MYO16: variants seen among roughly 807,000 people sequenced by gnomAD.
MYO16 encodes the protein myosin XVI.
A neutral mutation model predicts 205.3 loss-of-function variants in MYO16; 94 were observed. The ratio of observed to expected loss-of-function variants is 0.46; its 90% CI spans 0.39 to 0.54. MYO16 has a LOEUF of 0.54. MYO16 is among the 20% of genes least tolerant of loss of function. The pLI, the probability that MYO16 is intolerant of heterozygous loss-of-function variation, is 0.00. For missense variants in MYO16, 2,315 were observed against 2,387.5 expected, an observed-to-expected ratio of 0.97 and a Z score of 0.63; for synonymous variants, 988 against 954.0, an observed-to-expected ratio of 1.04 and a Z score of -0.66.
chr13:108,837,095 G>A (rs1016126966), intron 9 of MYO16, among the ~76,000 whole-genome samples: 3 of 152,192 alleles, frequency 2.0e-5, no homozygotes, highest in Non-Finnish European at 2.9e-5. Flanking sequence ...TAATCCCCAC[G>A]TGTGGTGGGA....
intron 1 of MYO16, among the ~76,000 whole-genome samples, chr13:108,659,873 A>G (rs1323273955): frequency 3.3e-5 from 5 of 152,206 alleles, no homozygotes; most frequent in African/African-American, 9.7e-5. Flanking sequence ...AAGAAAATAT[A>G]TAGAATTGTA....
At position 109,055,785 on chromosome 13, in the gene MYO16, A is replaced by C. The variant is rs1239252505; in HGVS notation, c.3335+190A>C. 1.0e-5 allele frequency: 6 copies of C among 574,424 alleles called. No homozygotes were observed. In the East Asian group the frequency reaches 1.8e-4, roughly 17 times the overall value. 35.6% of individuals were successfully genotyped at this position (574,424 alleles called of 1,614,324 possible). A position where few individuals can be genotyped will look rare whatever the true frequency, so the allele number is the denominator to read the frequency against. Reference sequence around the variant, plus strand: ...ATACACTGACAAAGCTCACATAAAAAATAATTAAACTGTACTGAGGACAGT... The same window carrying C: ...ATACACTGACAAAGCTCACATAAAACATAATTAAACTGTACTGAGGACAGT... On this transcript the variant is annotated intron_variant, in intron 27 of 34. Transcript: ENST00000457511. The surrounding 1 kb of genome is among the most constrained non-coding windows in gnomAD (Gnocchi z 5.0).
At chr13:108,813,100 T>G (rs1297494152) in intron 7 of MYO16, among the ~76,000 whole-genome samples, 3 of 152,074 alleles carry the variant, frequency 2.0e-5, no homozygotes, top group African/African-American at 7.2e-5. Context: ...AGGAGGATTA[T>G]GAGATTTGCG....
chr13:109,069,277 C>T (rs563247519), intron 27 of MYO16, among the ~76,000 whole-genome samples: 1 of 152,234 alleles, frequency 6.6e-6, no homozygotes, highest in East Asian at 1.9e-4. Context: ...ATTATCTTGC[C>T]TTTCTGAGTT....
intron 12 of MYO16, among the ~76,000 whole-genome samples, chr13:108,876,321 T>A (rs776189840): frequency 3.9e-5 from 6 of 152,156 alleles, no homozygotes; most frequent in Non-Finnish European, 8.8e-5. Flanking sequence ...TTTTTTCACA[T>A]GTACTTTTGT....
chr13:108,886,418 T>C (rs1251043470), intron 13 of MYO16: 1 of 456,242 alleles, frequency 2.2e-6, no homozygotes, highest in Non-Finnish European at 4.4e-6. Context: ...ACGTCCAGGT[T>C]CTTGCCTCAC....
intron 21 of MYO16, among the ~76,000 whole-genome samples, chr13:109,001,303 G>A (rs962471671): frequency 1.3e-5 from 2 of 152,132 alleles, no homozygotes; most frequent in Non-Finnish European, 1.5e-5. Context: ...TAGCGAATGT[G>A]TGCCCAGTCC....
At chr13:109,170,187 G>A (rs1381960522) in intron 33 of MYO16, among the ~76,000 whole-genome samples, 1 of 150,984 alleles carries the variant, frequency 6.6e-6, no homozygotes, top group African/African-American at 2.4e-5. Context: ...CCCAACAAAG[G>A]CTAATATTCA....
chr13:108,791,131 G>T (rs1290613595), intron 5 of MYO16, among the ~76,000 whole-genome samples: 1 of 152,124 alleles, frequency 6.6e-6, no homozygotes, highest in African/African-American at 2.4e-5. Flanking sequence ...GACAGTTTTA[G>T]CTGGTTCATA....
intron 6 of MYO16, among the ~76,000 whole-genome samples, chr13:108,798,640 T>C (rs1272793335): frequency 6.6e-6 from 1 of 151,802 alleles, no homozygotes; most frequent in African/African-American, 2.4e-5. Flanking sequence ...TTTTATTATT[T>C]ACTGTGTTAG....
At chr13:108,937,827 G>C (rs990059211) in intron 16 of MYO16, among the ~76,000 whole-genome samples, 2 of 152,006 alleles carry the variant, frequency 1.3e-5, no homozygotes, top group African/African-American at 4.8e-5. Flanking sequence ...ACCTTGTCTT[G>C]GATCTCAATA....
chr13:108,804,795 G>GT (rs1278004399), intron 6 of MYO16, among the ~76,000 whole-genome samples: 1 of 152,204 alleles, frequency 6.6e-6, no homozygotes. Flanking sequence ...GTCACTGGTA[G>GT]TAACACTTTG....
intron 34 of MYO16, among the ~76,000 whole-genome samples, chr13:109,203,893 G>A (rs186074790): frequency 1.3e-5 from 2 of 152,308 alleles, no homozygotes; most frequent in East Asian, 3.9e-4. Flanking sequence ...GTGGACGATG[G>A]CTGTGCATTT....
intron 4 of MYO16, chr13:108,779,466 CT>C (rs1308317398): frequency 1.3e-5 from 2 of 152,170 alleles, no homozygotes; most frequent in Non-Finnish European, 2.9e-5. Flanking sequence ...GAGGAGCCTT[CT>C]TGGAAGTGAC....
intron 23 of MYO16, among the ~76,000 whole-genome samples, chr13:109,042,048 A>G (rs1335322967): frequency 6.6e-6 from 1 of 152,006 alleles, no homozygotes; most frequent in Non-Finnish European, 1.5e-5. Context: ...TATTTTTAGT[A>G]GAGACAGGTT....
intron 4 of MYO16, among the ~76,000 whole-genome samples, chr13:108,747,170 T>TA (rs1465154928): frequency 9.2e-5 from 14 of 152,280 alleles, no homozygotes; most frequent in African/African-American, 3.4e-4. Flanking sequence ...AATAAGTTGT[T>TA]AAACAACATA....
intron 6 of MYO16, among the ~76,000 whole-genome samples, chr13:108,803,018 A>G (rs553997358): frequency 5.3e-5 from 8 of 152,320 alleles, no homozygotes; most frequent in Admixed American, 6.5e-5. Context: ...GAAGCGAAGC[A>G]TTTATCTAGA....
At chr13:109,102,717 T>C (rs2139718070) in intron 28 of MYO16, among the ~76,000 whole-genome samples, 1 of 152,222 alleles carries the variant, frequency 6.6e-6, no homozygotes, top group Non-Finnish European at 1.5e-5. Flanking sequence ...AGAAGACAAA[T>C]TGGTAAGCCC....
intron 1 of MYO16, among the ~76,000 whole-genome samples, chr13:108,599,377 G>A (rs4519205): frequency 0.57 from 83,033 of 146,336 alleles, 24,019 homozygotes; most frequent in South Asian, 0.67. Flanking sequence ...TGGCTGGGTC[G>A]AATGGTGTTT....
Sources: allele counts gnomAD v4.1 joint callset (sites outside exome capture counted in the v4.1 genomes callset), GRCh38; gene constraint gnomAD v4.1.1; non-coding constraint Gnocchi (gnomAD v3.1); transcripts MANE v1.5; gene names NCBI Gene and HGNC (gene_info 2026-07-23, HGNC 2026-07-21).